The following NKAIN2 variants were observed in gnomAD, a reference collection of about 807,000 sequenced individuals.
NKAIN2 encodes the protein sodium/potassium transporting ATPase interacting 2.
NKAIN2 carries 14 observed loss-of-function variants against 32.6 expected under a neutral mutation model. That is an observed-to-expected ratio of 0.43 (90% confidence interval 0.28 to 0.67). The LOEUF (loss-of-function observed/expected upper bound fraction) is 0.67. Among genes scored for constraint, NKAIN2 ranks in the 30% least tolerant of loss-of-function variants. NKAIN2 has a pLI of 0.17. For missense variants in NKAIN2, 198 were observed against 258.3 expected, an observed-to-expected ratio of 0.77 and a Z score of 1.60; for synonymous variants, 80 against 87.2, an observed-to-expected ratio of 0.92 and a Z score of 0.46.
intron 5 of NKAIN2, among the ~76,000 whole-genome samples, chr6:124,806,828 G>A (rs1464809972): frequency 6.6e-6 from 1 of 151,762 alleles, no homozygotes; most frequent in African/African-American, 2.4e-5. Context: ...AAAAAGGCAG[G>A]GGTTGCAATC....
At chr6:124,407,972 T>C (rs1226969294) in intron 3 of NKAIN2, among the ~76,000 whole-genome samples, 3 of 151,920 alleles carry the variant, frequency 2.0e-5, no homozygotes, top group Non-Finnish European at 4.4e-5. Context: ...TTTCATGTGT[T>C]TTTTGGCTGC....
chr6:124,026,636 C>T (rs1287147296), intron 1 of NKAIN2, among the ~76,000 whole-genome samples: 2 of 152,194 alleles, frequency 1.3e-5, no homozygotes, highest in African/African-American at 2.4e-5. Flanking sequence ...CTTTTTCCTA[C>T]TGAACTATGC....
At chr6:124,802,784 A>G (rs1317715690) in intron 5 of NKAIN2, among the ~76,000 whole-genome samples, 1 of 152,100 alleles carries the variant, frequency 6.6e-6, no homozygotes, top group Non-Finnish European at 1.5e-5. Context: ...TCCCTCTTGG[A>G]AAAAGTTTTC....
intron 1 of NKAIN2, among the ~76,000 whole-genome samples, chr6:123,914,890 A>G (rs1479726232): frequency 1.3e-5 from 2 of 152,132 alleles, no homozygotes; most frequent in South Asian, 2.1e-4. Context: ...TGGAGTCTCT[A>G]TGTGTTCTCT....
At chr6:124,433,327 G>A (rs185691300) in intron 3 of NKAIN2, among the ~76,000 whole-genome samples, 65 of 152,278 alleles carry the variant, frequency 4.3e-4, no homozygotes, top group African/African-American at 1.5e-3. Flanking sequence ...CTTTCAAACG[G>A]GGGAGAATTT....
chr6:124,211,744 T>C (rs1178136549), intron 1 of NKAIN2, among the ~76,000 whole-genome samples: 1 of 152,080 alleles, frequency 6.6e-6, no homozygotes, highest in Non-Finnish European at 1.5e-5. Flanking sequence ...TGGCTATTAA[T>C]ATTTAAAGCT....
intron 1 of NKAIN2, among the ~76,000 whole-genome samples, chr6:123,876,957 CT>C (rs1247715220): frequency 2.0e-5 from 3 of 151,972 alleles, no homozygotes; most frequent in Non-Finnish European, 2.9e-5. Flanking sequence ...AAATATATAA[CT>C]TTTTTCACTT....
At chr6:124,722,046 G>A (rs920199355) in intron 4 of NKAIN2, among the ~76,000 whole-genome samples, 5 of 152,146 alleles carry the variant, frequency 3.3e-5, no homozygotes, top group South Asian at 2.1e-4. Context: ...ACTACTCAGC[G>A]TACCTAATAT....
At chr6:124,407,736 G>A (rs1403793807) in intron 3 of NKAIN2, among the ~76,000 whole-genome samples, 1 of 151,636 alleles carries the variant, frequency 6.6e-6, no homozygotes, top group Admixed American at 6.6e-5. Context: ...GGGTCAAATG[G>A]TACTTCTAGT....
intron 1 of NKAIN2, among the ~76,000 whole-genome samples, chr6:124,154,940 CAG>C (rs912900047): frequency 6.6e-5 from 10 of 151,880 alleles, no homozygotes; most frequent in South Asian, 2.1e-4. Flanking sequence ...GATTTTTAAT[CAG>C]AGTTATAAAT....
intron 1 of NKAIN2, among the ~76,000 whole-genome samples, chr6:124,027,975 C>T (rs932807022): frequency 6.6e-6 from 1 of 152,106 alleles, no homozygotes; most frequent in Non-Finnish European, 1.5e-5. Context: ...AATAAATAGC[C>T]TTCCATGATC....
At chr6:124,614,220 C>T (rs1483718770) in intron 3 of NKAIN2, among the ~76,000 whole-genome samples, 2 of 152,044 alleles carry the variant, frequency 1.3e-5, no homozygotes, top group African/African-American at 2.4e-5. Flanking sequence ...ATGGTGAAGC[C>T]CCATCTCTAC....
intron 1 of NKAIN2, among the ~76,000 whole-genome samples, chr6:123,865,123 A>T (rs1775932191): frequency 1.3e-5 from 2 of 152,138 alleles, no homozygotes; most frequent in Non-Finnish European, 2.9e-5. Context: ...TAAAATTGTC[A>T]ATAGGTCTAA....
intron 1 of NKAIN2, among the ~76,000 whole-genome samples, chr6:123,809,499 T>C (rs904809751): frequency 2.6e-5 from 4 of 152,184 alleles, no homozygotes; most frequent in Admixed American, 2.0e-4. Context: ...TCATTTTCTT[T>C]CTCCAGGTTA....
At chr6:124,651,657 G>GGGGAA (rs1350174505) in intron 3 of NKAIN2, among the ~76,000 whole-genome samples, 1 of 152,106 alleles carries the variant, frequency 6.6e-6, no homozygotes, top group Non-Finnish European at 1.5e-5. Context: ...TCTTGAATGT[G>GGGGAA]GGGAACAGAG....
At chr6:124,481,169 A>G (rs1159589490) in intron 3 of NKAIN2, among the ~76,000 whole-genome samples, 1 of 128,362 alleles carries the variant, frequency 7.8e-6, no homozygotes, top group African/African-American at 3.1e-5. Flanking sequence ...GGTTAGAGTT[A>G]CTTTTTTTTT....
chr6:124,405,348 C>T (rs1773804148), intron 3 of NKAIN2, among the ~76,000 whole-genome samples: 1 of 151,642 alleles, frequency 6.6e-6, no homozygotes, highest in Non-Finnish European at 1.5e-5. Context: ...CTAAGAAGCA[C>T]AAATAATGAT....
At chr6:124,012,384 G>A (rs1273390559) in intron 1 of NKAIN2, among the ~76,000 whole-genome samples, 1 of 140,158 alleles carries the variant, frequency 7.1e-6, no homozygotes, top group African/African-American at 2.7e-5. Context: ...CACCCAGGCT[G>A]GAGTTCAATG....
At chr6:124,533,222 C>A (rs907730843) in intron 3 of NKAIN2, among the ~76,000 whole-genome samples, 2 of 152,004 alleles carry the variant, frequency 1.3e-5, no homozygotes, top group Non-Finnish European at 2.9e-5. Flanking sequence ...ATTCTCACAT[C>A]ACCCCAGAAA....
Sources: allele counts gnomAD v4.1 joint callset (sites outside exome capture counted in the v4.1 genomes callset), GRCh38; gene constraint gnomAD v4.1.1; transcripts MANE v1.5; gene names NCBI Gene and HGNC (gene_info 2026-07-23, HGNC 2026-07-21).